Variants in EPHX2 observed in about 807,000 individuals in gnomAD.
EPHX2 encodes epoxide hydrolase 2.
A neutral mutation model predicts 78.7 loss-of-function variants in EPHX2; 74 were observed. That is an observed-to-expected ratio of 0.94 (90% CI 0.78 to 1.14). EPHX2 has a LOEUF of 1.14. EPHX2 is among the 50% of genes most tolerant of loss of function. The pLI, the probability that EPHX2 is intolerant of heterozygous loss-of-function variation, is 0.00. For missense variants in EPHX2, 715 were observed against 702.5 expected, an observed-to-expected ratio of 1.02 and a Z score of -0.20; for synonymous variants, 251 against 255.2, an observed-to-expected ratio of 0.98 and a Z score of 0.16.
intron 17 of EPHX2, 83 bp from the exon 18 acceptor site, chr8:27,544,103 G>A (rs1375789978): frequency 6.7e-7 from 1 of 1,502,516 alleles, no homozygotes; most frequent in Non-Finnish European, 9.2e-7. Flanking sequence ...GCAGAGAGAA[G>A]GCGTCCATTG....
intron 16 of EPHX2, among the ~76,000 whole-genome samples, chr8:27,542,965 A>G (rs1249778249): frequency 6.7e-6 from 1 of 150,322 alleles, no homozygotes; most frequent in African/African-American, 2.5e-5. Context: ...TTCCAGCTGG[A>G]TCTTCCTCTC....
At chr8:27,496,600 A>G (rs1329483513) in intron 1 of EPHX2, among the ~76,000 whole-genome samples, 1 of 152,208 alleles carries the variant, frequency 6.6e-6, no homozygotes, top group Non-Finnish European at 1.5e-5. Flanking sequence ...AAAATCTTGT[A>G]CTAGTCTCCA....
chr8:27,539,097 G>A (rs560509249), intron 14 of EPHX2: 18 of 172,818 alleles, frequency 1.0e-4, no homozygotes, highest in Admixed American at 8.1e-4. Context: ...CCATCCAGGC[G>A]CCATGTTTCC....
intron 12 of EPHX2, among the ~76,000 whole-genome samples, chr8:27,530,538 T>G (rs972183947): frequency 2.6e-5 from 4 of 152,198 alleles, no homozygotes; most frequent in Non-Finnish European, 5.9e-5. Flanking sequence ...CTTTTTCATT[T>G]AATACATATT....
intron 6 of EPHX2, chr8:27,512,117 A>AAC: frequency 1.9e-6 from 1 of 524,758 alleles, no homozygotes; most frequent in Non-Finnish European, 3.4e-6. Flanking sequence ...AAAAAAAAAA[A>AAC]AGGACCAGCA....
At chr8:27,493,939 C>T (rs1198782976) in intron 1 of EPHX2, among the ~76,000 whole-genome samples, 1 of 152,050 alleles carries the variant, frequency 6.6e-6, no homozygotes, top group Non-Finnish European at 1.5e-5. Flanking sequence ...TACTAGGAAC[C>T]ATCCAAGAGA....
rs765002554 is a variant in EPHX2 at position 27,522,514 on chromosome 8, T to G, written c.1058+6T>G. ...TTCTACCCCGAGAGAGTGAGGTAAT[T>G]GGGCCTCGGGCAATAAAGATTTGGA... On this transcript the variant is annotated splice_donor_region_variant and intron_variant, in intron 11 of 18. Coordinates refer to ENST00000521400, the MANE Select transcript of EPHX2 (RefSeq NM_001979.6). 13 of 1,613,606 alleles carry G rather than the reference T, an allele frequency of 8.1e-6. No individual in the cohort carries two copies. The highest frequency in any genetic ancestry group is 1.0e-5 in the Non-Finnish European group (12 of 1,179,720).
chr8:27,517,331 C>T (rs531668612), intron 8 of EPHX2, among the ~76,000 whole-genome samples: 17 of 152,218 alleles, frequency 1.1e-4, no homozygotes, highest in African/African-American at 3.6e-4. Context: ...CCTACAGATG[C>T]AATGCAATCC....
At chr8:27,541,773 G>A (rs1205601418) in intron 16 of EPHX2, among the ~76,000 whole-genome samples, 1 of 152,090 alleles carries the variant, frequency 6.6e-6, no homozygotes, top group East Asian at 1.9e-4. Context: ...ATGGAGCTGG[G>A]GTGTGTCCAG....
At chr8:27,536,748 A>G in intron 12 of EPHX2, 36 bp from the exon 13 acceptor site, 1 of 1,606,058 alleles carries the variant, frequency 6.2e-7, no homozygotes, top group African/African-American at 1.3e-5. Flanking sequence ...CACGATTTCT[A>G]GGGGGTCCTT....
intron 10 of EPHX2, among the ~76,000 whole-genome samples, chr8:27,521,381 G>A (rs1030898074): frequency 6.6e-6 from 1 of 152,178 alleles, no homozygotes; most frequent in African/African-American, 2.4e-5. Context: ...CCACTCCCAA[G>A]ACTGCATGGT....
Position 27,491,334 on chromosome 8 carries a change from G to T in EPHX2, c.101+25G>T, listed in dbSNP as rs757180889. The T allele has an allele frequency of 5.3e-5, 77 of 1,450,712 alleles. 1 individual carries two copies. The Admixed American group carries it at 1.9e-3, about 35-fold the overall frequency. 89.9% of individuals were successfully genotyped at this position (1,450,712 alleles called of 1,614,324 possible). On this transcript the variant is annotated intron_variant, in intron 1 of 18. Coordinates refer to ENST00000521400, the MANE Select transcript of EPHX2 (RefSeq NM_001979.6). ...GGTAAGGGGGCCCAGCGCCGCCGCC[G>T]CAGTGGGTCGGGGCCTCAGGAGGCA...
chr8:27,540,395 A>G (rs890646838), intron 14 of EPHX2, among the ~76,000 whole-genome samples, 159 bp from the exon 15 acceptor site: 1 of 152,104 alleles, frequency 6.6e-6, no homozygotes, highest in South Asian at 2.1e-4. Flanking sequence ...TTTCGAGGAG[A>G]TGGGATCACT....
intron 8 of EPHX2, 104 bp from the exon 9 acceptor site, chr8:27,517,934 G>T: frequency 1.2e-6 from 1 of 847,194 alleles, no homozygotes; most frequent in South Asian, 1.6e-5. Flanking sequence ...GGTTTTTGTT[G>T]TTGTTGTTTG....
Position 27,505,126 on chromosome 8 carries a change from C to T in EPHX2, c.517C>T (p.Leu173=), listed in dbSNP as rs868305103. The change falls in exon 4 of 19, where the codon CTG becomes TTG. Residue 173 remains leucine, a synonymous_variant. Transcript: ENST00000521400. The stretch of plus-strand genomic sequence containing the variant: ...GATCTACAAGTTTCTGCTGGACACC[C>T]TGAAGGCCAGCCCCAGTGAGGTACG... ...PQIYKFLLDT[L]KASPSEVVFL... is the part of the protein sequence containing the mutation. The T allele has an allele frequency of 1.9e-5, 31 of 1,614,102 alleles. No individual in the cohort carries two copies. In the Middle Eastern group the frequency reaches 1.3e-3, roughly 69 times the overall value.
intron 17 of EPHX2, 122 bp from the exon 18 acceptor site, chr8:27,544,064 C>T: frequency 8.3e-7 from 1 of 1,198,072 alleles, no homozygotes. Flanking sequence ...CTAAATCATG[C>T]AGGGTTTGGG....
chr8:27,544,301 C>G, intron 18 of EPHX2, 57 bp downstream of exon 18: 2 of 1,605,904 alleles, frequency 1.2e-6, no homozygotes, highest in Non-Finnish European at 1.7e-6. Context: ...GTTCACCTTC[C>G]ATAAAAGCTT....
downstream of EPHX2, among the ~76,000 whole-genome samples, chr8:27,548,213 G>T (rs1815605504): frequency 1.3e-5 from 2 of 152,174 alleles, no homozygotes; most frequent in Non-Finnish European, 2.9e-5. Flanking sequence ...CTGTCTTGGG[G>T]TATAGGGAAC....
chr8:27,504,335 AAG>A (rs1298738580), intron 3 of EPHX2, among the ~76,000 whole-genome samples: 2 of 152,192 alleles, frequency 1.3e-5, no homozygotes, highest in African/African-American at 2.4e-5. Context: ...ATTGCGTGGG[AAG>A]AGTCTCACCA....
Sources: allele counts gnomAD v4.1 joint callset (sites outside exome capture counted in the v4.1 genomes callset), GRCh38; gene constraint gnomAD v4.1.1; transcripts MANE v1.5; gene names NCBI Gene and HGNC (gene_info 2026-07-23, HGNC 2026-07-21).